DTNB: variants seen among roughly 807,000 people sequenced by gnomAD.
DTNB encodes the protein DTN-B.
In DTNB, 63 loss-of-function variants were observed where a neutral mutation model predicts 90.7. The ratio of observed to expected loss-of-function variants is 0.69; its 90% CI spans 0.57 to 0.86. The LOEUF (loss-of-function observed/expected upper bound fraction) is 0.86, where lower values mean the gene tolerates loss of function less well. Among genes scored for constraint, DTNB ranks in the 40% least tolerant of loss-of-function variants. The probability of loss-of-function intolerance (pLI) is 0.00; values close to 1 mark genes in which losing one functional copy is unlikely to be tolerated. For missense variants in DTNB, 744 were observed against 807.1 expected, an observed-to-expected ratio of 0.92 and a Z score of 0.95; for synonymous variants, 277 against 286.7, an observed-to-expected ratio of 0.97 and a Z score of 0.34.
intron 9 of DTNB, among the ~76,000 whole-genome samples, chr2:25,503,980 T>C (rs188619842): frequency 2.7e-5 from 4 of 149,082 alleles, no homozygotes; most frequent in Non-Finnish European, 4.5e-5. Context: ...GAAATAAATT[T>C]AGCCTGGCTG....
At chr2:25,450,792 T>A (rs2059164314) in intron 12 of DTNB, among the ~76,000 whole-genome samples, 3 of 152,326 alleles carry the variant, frequency 2.0e-5, no homozygotes, top group Admixed American at 2.0e-4. Flanking sequence ...GTATTTTTAA[T>A]GCTACAGTAA....
At chr2:25,395,122 C>G (rs576712115) in intron 16 of DTNB, among the ~76,000 whole-genome samples, 11 of 152,276 alleles carry the variant, frequency 7.2e-5, no homozygotes, top group African/African-American at 2.4e-4. Flanking sequence ...AGTGAAGTAA[C>G]TCAGGAATGG....
intron 5 of DTNB, among the ~76,000 whole-genome samples, chr2:25,604,375 C>T (rs565006747): frequency 4.7e-5 from 7 of 147,568 alleles, no homozygotes; most frequent in African/African-American, 1.8e-4. Flanking sequence ...TCTTTCTTTT[C>T]TTTTTTTTCT....
chr2:25,501,887 G>A (rs888010614), intron 9 of DTNB, among the ~76,000 whole-genome samples: 15 of 151,424 alleles, frequency 9.9e-5, no homozygotes, highest in Non-Finnish European at 2.1e-4. Context: ...ATTTATTAAA[G>A]TATTAAAAAA....
intron 3 of DTNB, among the ~76,000 whole-genome samples, chr2:25,632,985 G>T (rs1343739674): frequency 6.6e-6 from 1 of 152,064 alleles, no homozygotes; most frequent in African/African-American, 2.4e-5. Context: ...TCAGTGTATT[G>T]GAAATGAGTA....
intron 11 of DTNB, among the ~76,000 whole-genome samples, chr2:25,453,944 G>A (rs1367986340): frequency 1.3e-5 from 2 of 152,106 alleles, no homozygotes; most frequent in Non-Finnish European, 2.9e-5. Flanking sequence ...TCAGGAGATC[G>A]GGACCATCCT....
chr2:25,517,167 ATAT>A (rs2075285126), intron 9 of DTNB, among the ~76,000 whole-genome samples: 1 of 152,248 alleles, frequency 6.6e-6, no homozygotes, highest in Non-Finnish European at 1.5e-5. Context: ...AACCCCAAAA[ATAT>A]TATGCTAAAT....
chr2:25,434,020 G>GTTTT, intron 12 of DTNB, 25 bp from the exon 13 acceptor site: 1 of 1,359,356 alleles, frequency 7.4e-7, no homozygotes. Context: ...TCGGGAGAAA[G>GTTTT]TTTTTTTTTT....
At chr2:25,556,748 A>T (rs1326405427) in intron 8 of DTNB, among the ~76,000 whole-genome samples, 1 of 152,220 alleles carries the variant, frequency 6.6e-6, no homozygotes, top group East Asian at 1.9e-4. Context: ...TACCTGAGCT[A>T]ATTAAAGGAT....
At chr2:25,581,666 T>C (rs921847518) in intron 6 of DTNB, among the ~76,000 whole-genome samples, 5 of 152,234 alleles carry the variant, frequency 3.3e-5, no homozygotes, top group Admixed American at 6.5e-5. Flanking sequence ...TTATATGATA[T>C]AGAGAGAACA....
At chr2:25,536,805 T>G (rs1194320826) in intron 8 of DTNB, among the ~76,000 whole-genome samples, 1 of 152,022 alleles carries the variant, frequency 6.6e-6, no homozygotes, top group African/African-American at 2.4e-5. Flanking sequence ...TGCAGTGGGG[T>G]GATCTCGGCT....
intron 3 of DTNB, among the ~76,000 whole-genome samples, chr2:25,638,707 T>G (rs1266419020): frequency 6.6e-6 from 1 of 152,224 alleles, no homozygotes; most frequent in Admixed American, 6.5e-5. Context: ...CTCCAGCAGC[T>G]GATAAATTGT....
chr2:25,437,288 A>C (rs1453971411), intron 12 of DTNB, among the ~76,000 whole-genome samples: 1 of 151,598 alleles, frequency 6.6e-6, no homozygotes, highest in Non-Finnish European at 1.5e-5. Context: ...TTGAGACAGA[A>C]TCTTGCTGTG....
chr2:25,585,074 T>C (rs1441630701), intron 6 of DTNB, among the ~76,000 whole-genome samples: 1 of 152,180 alleles, frequency 6.6e-6, no homozygotes, highest in Non-Finnish European at 1.5e-5. Flanking sequence ...TTTTATTTTG[T>C]TTTTGCTCTT....
Position 25,596,238 on chromosome 2 carries a change from C to T in DTNB, c.451G>A (p.Val151Ile). The T allele has an allele frequency of 1.9e-6, 3 of 1,604,126 alleles. No homozygotes were observed. The South Asian group carries it at 3.4e-5, about 18-fold the overall frequency. The change falls in exon 6 of 21, where the codon GTT (valine) becomes ATT (isoleucine). Residue 151 changes from valine (V) to isoleucine (I), a missense_variant and splice_region_variant. Transcript: ENST00000406818. Reference protein sequence around the residue: ...GGKMLDKLRYVFSQMSDSNGL... With the variant: ...GGKMLDKLRYIFSQMSDSNGL... ...TTGGAATCTGACATCTGGGAGAAAA[C>T]ATCTATGAGAACAAAACCAAATAAA...
intron 16 of DTNB, among the ~76,000 whole-genome samples, chr2:25,411,010 C>T (rs2046456023): frequency 6.7e-6 from 1 of 150,230 alleles, no homozygotes; most frequent in Admixed American, 6.7e-5. Flanking sequence ...TGAATCTTTG[C>T]TCCTGGGGGG....
chr2:25,509,356 T>G (rs929492497), intron 9 of DTNB, among the ~76,000 whole-genome samples: 8 of 152,172 alleles, frequency 5.3e-5, no homozygotes, highest in African/African-American at 1.9e-4. Context: ...TTTCTGAGAG[T>G]TTTTAAAAAT....
At chr2:25,416,294 T>C (rs1321083119) in intron 16 of DTNB, among the ~76,000 whole-genome samples, 1 of 152,244 alleles carries the variant, frequency 6.6e-6, no homozygotes, top group African/African-American at 2.4e-5. Context: ...TATCAAAAGT[T>C]CTCTATAATG....
intron 8 of DTNB, among the ~76,000 whole-genome samples, chr2:25,561,842 T>A (rs936516186): frequency 2.1e-4 from 32 of 152,212 alleles, no homozygotes; most frequent in African/African-American, 6.5e-4. Flanking sequence ...CCAATTAAAT[T>A]TGTTTTCTTT....
Sources: gnomAD v4.1 joint callset for allele counts (sites outside exome capture counted in the v4.1 genomes callset) on GRCh38, gnomAD v4.1.1 for gene constraint, MANE v1.5 for transcripts, NCBI Gene and HGNC (gene_info 2026-07-23, HGNC 2026-07-21) for gene names.